The following ANKRD30BL variants were observed in gnomAD, a reference collection of about 807,000 sequenced individuals.
ANKRD30BL encodes putative ankyrin repeat domain-containing protein 30B-like.
ANKRD30BL carries 20 observed loss-of-function variants against 18.4 expected under a neutral mutation model. That is an observed-to-expected ratio of 1.09 (90% CI 0.77 to 1.58). The LOEUF (loss-of-function observed/expected upper bound fraction) is 1.58. ANKRD30BL is among the 40% of genes most tolerant of loss of function. ANKRD30BL has a pLI of 0.00. For missense variants in ANKRD30BL, 224 were observed against 268.6 expected (o/e 0.83, Z 1.16); for synonymous variants, 72 against 100.9 (o/e 0.71, Z 1.72).
At chr2:132,165,256 GT>G (rs34616292), upstream of ANKRD30BL, among the ~76,000 whole-genome samples, 50,607 of 142,390 alleles carry the variant, frequency 0.36, 9,198 homozygotes, top group African/African-American at 0.49. Context: ...TGACGTATCA[GT>G]TTTTTTTTTT....
intron 1 of ANKRD30BL, among the ~76,000 whole-genome samples, chr2:132,249,013 C>A (rs554996947): frequency 2.6e-5 from 4 of 152,096 alleles, no homozygotes; most frequent in Non-Finnish European, 5.9e-5. Flanking sequence ...GCAGATTGCA[C>A]AAGAAAAGAG....
intron 4 of ANKRD30BL, among the ~76,000 whole-genome samples, chr2:132,154,153 A>G (rs1687839460): frequency 6.6e-6 from 1 of 152,100 alleles, no homozygotes; most frequent in South Asian, 2.1e-4. Context: ...TTTCATTGAG[A>G]TGGAGTTTTA....
chr2:132,221,552 T>C (rs1303718399), intron 1 of ANKRD30BL, among the ~76,000 whole-genome samples: 1 of 110,046 alleles, frequency 9.1e-6, no homozygotes, highest in South Asian at 3.2e-4. Context: ...GGTGGGGGGG[T>C]CAGCCCCCCG....
intron 1 of ANKRD30BL, chr2:132,257,461 A>G (rs796517525): frequency 3.6e-6 from 1 of 280,866 alleles, no homozygotes; most frequent in Non-Finnish European, 6.9e-6. Context: ...CGGGCCACAC[A>G]GTAGGCGACG....
intron 1 of ANKRD30BL, among the ~76,000 whole-genome samples, chr2:132,217,733 A>C (rs1269888416): frequency 6.6e-6 from 1 of 152,284 alleles, no homozygotes; most frequent in African/African-American, 2.4e-5. Context: ...CTGCATGTGG[A>C]TATTTCAACC....
At chr2:132,187,974 T>G (rs1558924817) in intron 1 of ANKRD30BL, among the ~76,000 whole-genome samples, 1 of 152,144 alleles carries the variant, frequency 6.6e-6, no homozygotes, top group African/African-American at 2.4e-5. Flanking sequence ...GGTCTCGAAC[T>G]AACCTCAGGT....
rs1007386563 is a variant in ANKRD30BL at position 132,161,469 on chromosome 2, C to G, written c.218+19G>C. On this transcript the variant is annotated intron_variant, in intron 1 of 5. Transcript: ENST00000409867. ...CCTCCTCCTCCTCCTGCAGCCCCGGCTCAGGCAGGGCCTGGTACCTCTTCT... is the reference window on the plus strand; with the variant it reads ...CCTCCTCCTCCTCCTGCAGCCCCGGGTCAGGCAGGGCCTGGTACCTCTTCT... 1 of 1,449,330 alleles carries G rather than the reference C, an allele frequency of 6.9e-7. No homozygotes were observed. The highest frequency in any genetic ancestry group is 1.4e-5 in the African/African-American group (1 of 70,628). The allele number at this position is 1,449,330 out of a possible 1,614,324, so 89.8% of individuals were successfully genotyped here.
intron 1 of ANKRD30BL, among the ~76,000 whole-genome samples, chr2:132,256,376 C>T (rs77259035): frequency 1.3e-5 from 2 of 152,006 alleles, no homozygotes; most frequent in African/African-American, 2.4e-5. Flanking sequence ...AACCCCCCGA[C>T]GGGCTCACCA....
At chr2:132,254,676 G>A (rs2104813742) in intron 1 of ANKRD30BL, among the ~76,000 whole-genome samples, 1 of 152,368 alleles carries the variant, frequency 6.6e-6, no homozygotes, top group South Asian at 2.1e-4. Context: ...GCCAGTCAGT[G>A]TAGCGCGCGT....
chr2:132,205,514 T>C (rs1431050657), intron 1 of ANKRD30BL, among the ~76,000 whole-genome samples: 1 of 148,168 alleles, frequency 6.7e-6, no homozygotes, highest in Non-Finnish European at 1.5e-5. Context: ...GGCAGGAGAG[T>C]CTCTTGAACC....
upstream of ANKRD30BL, among the ~76,000 whole-genome samples, chr2:132,163,859 T>A (rs1688137562): frequency 2.0e-5 from 3 of 152,212 alleles, no homozygotes; most frequent in Admixed American, 2.0e-4. Flanking sequence ...ATATGCTCAT[T>A]TCTGCTGGGA....
intron 1 of ANKRD30BL, among the ~76,000 whole-genome samples, chr2:132,253,557 C>G (rs76975545): frequency 6.6e-6 from 1 of 152,152 alleles, no homozygotes; most frequent in Non-Finnish European, 1.5e-5. Flanking sequence ...GTGCAGCATG[C>G]ACGACAGCAC....
At chr2:132,238,666 G>A (rs1680229016) in intron 1 of ANKRD30BL, among the ~76,000 whole-genome samples, 1 of 151,792 alleles carries the variant, frequency 6.6e-6, no homozygotes. Flanking sequence ...TTTCTGATGT[G>A]TGTACTCAAC....
chr2:132,176,261 G>A (rs1219052795), intron 1 of ANKRD30BL, among the ~76,000 whole-genome samples: 1 of 151,748 alleles, frequency 6.6e-6, no homozygotes, highest in Admixed American at 6.6e-5. Flanking sequence ...TGGGCACGGT[G>A]GTTCACGCCT....
chr2:132,166,225 T>G (rs1002907028), upstream of ANKRD30BL, among the ~76,000 whole-genome samples: 1 of 152,186 alleles, frequency 6.6e-6, no homozygotes, highest in Admixed American at 6.5e-5. Flanking sequence ...ATTGAATCTT[T>G]GTTCATGAGA....
chr2:132,231,916 T>A (rs1459256907), intron 1 of ANKRD30BL, among the ~76,000 whole-genome samples: 1 of 152,196 alleles, frequency 6.6e-6, no homozygotes, highest in Non-Finnish European at 1.5e-5. Flanking sequence ...CAGTAACCTC[T>A]GCAGACTTAA....
At chr2:132,222,851 A>AAAAAAC (rs1679731319) in intron 1 of ANKRD30BL, among the ~76,000 whole-genome samples, 1 of 148,700 alleles carries the variant, frequency 6.7e-6, no homozygotes, top group Non-Finnish European at 1.5e-5. Flanking sequence ...AAAAAAAAAA[A>AAAAAAC]AAAAAAAAAA....
chr2:132,224,983 A>G (rs926730296), intron 1 of ANKRD30BL, among the ~76,000 whole-genome samples: 318 of 151,670 alleles, frequency 2.1e-3, no homozygotes, highest in Non-Finnish European at 3.8e-3. Context: ...AAATATCTTC[A>G]CATAAAAACT....
intron 1 of ANKRD30BL, among the ~76,000 whole-genome samples, chr2:132,231,289 C>G (rs1303536793): frequency 6.6e-6 from 1 of 152,138 alleles, no homozygotes; most frequent in Non-Finnish European, 1.5e-5. Flanking sequence ...GATATTTGGA[C>G]CGCTTTGAGG....
Sources: gnomAD v4.1 joint callset for allele counts (sites outside exome capture counted in the v4.1 genomes callset) on GRCh38, gnomAD v4.1.1 for gene constraint, MANE v1.5 for transcripts, NCBI Gene and HGNC (gene_info 2026-07-23, HGNC 2026-07-21) for gene names.